HEMK1: variants seen among roughly 807,000 people sequenced by gnomAD.
HEMK1 encodes MTRF1L release factor glutamine methyltransferase.
In HEMK1, 36 loss-of-function variants were observed where a neutral mutation model predicts 47.9. That is an observed-to-expected ratio of 0.75 (90% CI 0.58 to 0.99). The LOEUF is 0.99. Ranked by LOEUF, HEMK1 falls within the 50% of genes least tolerant of loss-of-function variation. The pLI, the probability that HEMK1 is intolerant of heterozygous loss-of-function variation, is 0.00. For missense variants in HEMK1, 383 were observed against 434.5 expected (o/e 0.88, Z 1.05); for synonymous variants, 153 against 165.4 (o/e 0.93, Z 0.57).
rs952718409 is a variant in HEMK1 at position 50,570,789 on chromosome 3, A to G, written c.-174-142A>G. Reference sequence around the variant, plus strand: ...AGAAAACGTAAGTGGCCAAGACAAGAATGATCAAATAGGTGGGTAAGGCTC... The same window carrying G: ...AGAAAACGTAAGTGGCCAAGACAAGGATGATCAAATAGGTGGGTAAGGCTC... On this transcript the variant is annotated intron_variant, in intron 1 of 10. Transcript: ENST00000232854. The G allele has an allele frequency of 1.5e-5, 4 of 260,116 alleles. No individual in the cohort carries two copies. In the East Asian group the frequency reaches 3.0e-4, roughly 20 times the overall value. The allele number at this position is 260,116 out of a possible 1,614,324, so 16.1% of individuals were successfully genotyped here.
rs1326583677 is a variant in HEMK1, at chr3:50,595,831, T to G, written c.*15414T>G. ...CATCGATGTATTTCTGGGGTGACTC[T>G]CTTTCCTCCAGACCTCTCCTGCAAA... On this transcript the variant is annotated 3_prime_UTR_variant, in exon 11 of 11. Transcript: ENST00000232854. The G allele has an allele frequency of 6.6e-6, 1 of 152,208 alleles. No homozygotes were observed. The highest frequency in any genetic ancestry group is 1.5e-5 in the Non-Finnish European group (1 of 68,044). The allele number at this position is 152,208 out of a possible 1,614,324, so 9.4% of individuals were successfully genotyped here. A position where few individuals can be genotyped will look rare whatever the true frequency, so the allele number is the denominator to read the frequency against.
intron 5 of HEMK1, 50 bp downstream of exon 5, chr3:50,577,236 C>T: frequency 6.4e-7 from 1 of 1,567,768 alleles, no homozygotes; most frequent in East Asian, 2.2e-5. Context: ...ACTCACTGTC[C>T]CTCCCATTAG....
In HEMK1 at chr3:50,584,732, A is replaced by G. The variant is rs2031199515; in HGVS notation, c.*4315A>G. 2 of 151,880 alleles carry G rather than the reference A, an allele frequency of 1.3e-5. No individual in the cohort carries two copies. Among genetic ancestry groups the G allele is most frequent in the Admixed American group, 1.3e-4 (2 of 15,128 alleles). 9.4% of individuals were successfully genotyped at this position (151,880 alleles called of 1,614,324 possible). A position where few individuals can be genotyped will look rare whatever the true frequency, so the allele number is the denominator to read the frequency against. On this transcript the variant is annotated 3_prime_UTR_variant, in exon 11 of 11. Transcript: ENST00000232854. ...TGACCTCCAGAACAGTAAGATCATAAATTTGTGTTGTTTTCACATGTGTGA... is the reference window on the plus strand; with the variant it reads ...TGACCTCCAGAACAGTAAGATCATAGATTTGTGTTGTTTTCACATGTGTGA...
chr3:50,580,608 T>C lies in HEMK1; in HGVS notation c.*191T>C. ...CATCAGAGTGGCTGAGGGCAGTTGC[T>C]CTGTGTTGGTGAAATTGCTGTGGGG... On this transcript the variant is annotated 3_prime_UTR_variant, in exon 11 of 11. Coordinates refer to ENST00000232854, the MANE Select transcript of HEMK1 (RefSeq NM_016173.5). 1 of 622,336 alleles carries C rather than the reference T, an allele frequency of 1.6e-6. No homozygotes were observed. Among genetic ancestry groups the C allele is most frequent in the Non-Finnish European group, 2.8e-6 (1 of 354,800 alleles). 38.6% of individuals were successfully genotyped at this position (622,336 alleles called of 1,614,324 possible).
chr3:50,577,247 T>G, intron 5 of HEMK1, 61 bp downstream of exon 5: 1 of 1,548,390 alleles, frequency 6.5e-7, no homozygotes, highest in East Asian at 2.3e-5. Flanking sequence ...CTCCCATTAG[T>G]GCTTCCCCCA....
rs2107528670 is a variant in HEMK1, at chr3:50,586,424, AGGG to A, written c.*6010_*6012del. On this transcript the variant is annotated 3_prime_UTR_variant, in exon 11 of 11. Transcript: ENST00000232854. ...CTCCACCTGCCCCAGCTATGCCTAA[AGGG>A]GGAGGGTGAGACAGCTTAGAGTAGC... The A allele has an allele frequency of 6.6e-6, 1 of 152,378 alleles. No individual in the cohort carries two copies. Among genetic ancestry groups the A allele is most frequent in the Admixed American group, 6.5e-5 (1 of 15,304 alleles). 9.4% of individuals were successfully genotyped at this position (152,378 alleles called of 1,614,324 possible).
At position 50,577,542 on chromosome 3, in the gene HEMK1, G is replaced by A. The variant is rs1241073365; in HGVS notation, c.583G>A (p.Ala195Thr). The change falls in exon 6 of 11, where the codon GCT becomes ACT. Residue 195 changes from alanine (A) to threonine (T), a missense_variant. Coordinates refer to ENST00000232854, the MANE Select transcript of HEMK1 (RefSeq NM_016173.5). Reference sequence around the variant, plus strand: ...CATTGCTGTGGATAAGCGGGAAGCTGCTATCTCTCTGACCCATGAGAATGC... The same window carrying A: ...CATTGCTGTGGATAAGCGGGAAGCTACTATCTCTCTGACCCATGAGAATGC... The part of the protein sequence containing the change: ...RVIAVDKREA[A>T]ISLTHENAQR... The A allele has an allele frequency of 6.2e-7, 1 of 1,614,072 alleles. No individual in the cohort carries two copies. Among genetic ancestry groups the A allele is most frequent in the Non-Finnish European group, 8.5e-7 (1 of 1,180,028 alleles).
chr3:50,576,852 T>C (rs1455820433), intron 4 of HEMK1, among the ~76,000 whole-genome samples, 200 bp from the exon 5 acceptor site: 1 of 152,186 alleles, frequency 6.6e-6, no homozygotes, highest in Admixed American at 6.5e-5. Flanking sequence ...TATCCTCAAC[T>C]GGGCTCAGAT....
At chr3:50,578,009 CGT>C in intron 7 of HEMK1, 134 bp downstream of exon 7, 7 of 814,456 alleles carry the variant, frequency 8.6e-6, no homozygotes, top group Non-Finnish European at 1.1e-5. Context: ...CACACATACA[CGT>C]GTGTGTGTGC....
Position 50,577,191 on chromosome 3 carries a change from G to GCC in HEMK1, c.549+8_549+9dup. On this transcript the variant is annotated splice_donor_region_variant and intron_variant, in intron 5 of 10. Transcript: ENST00000232854. ...CTGCTGAGCCAGCTCCCCCAGGTGA[G>GCC]CCCCTCCACCCACTCTGGATAGACT... The GCC allele has an allele frequency of 6.2e-7, 1 of 1,607,792 alleles. No individual in the cohort carries two copies. Among genetic ancestry groups the GCC allele is most frequent in the South Asian group, 1.1e-5 (1 of 90,696 alleles).
rs1276037925 is a variant in HEMK1, at chr3:50,589,552, T to G, written c.*9135T>G. 6.6e-6 allele frequency: 1 copy of G among 151,914 alleles called. No homozygotes were observed. Among genetic ancestry groups the G allele is most frequent in the African/African-American group, 2.4e-5 (1 of 41,328 alleles). 9.4% of individuals were successfully genotyped at this position (151,914 alleles called of 1,614,324 possible). ...AGTTTAAGACAGCAGTGAGCTATAA[T>G]AGCGCCACTGCACTCCAGCCTGGAC... On this transcript the variant is annotated 3_prime_UTR_variant, in exon 11 of 11. Coordinates refer to ENST00000232854, the MANE Select transcript of HEMK1 (RefSeq NM_016173.5).
At position 50,590,243 on chromosome 3, in the gene HEMK1, G is replaced by A. The variant is rs1238485549; in HGVS notation, c.*9826G>A. The A allele has an allele frequency of 6.6e-6, 1 of 151,378 alleles. No individual in the cohort carries two copies. Among genetic ancestry groups the A allele is most frequent in the East Asian group, 1.9e-4 (1 of 5,168 alleles). The allele number at this position is 151,378 out of a possible 1,614,324, so 9.4% of individuals were successfully genotyped here. ...AAATGTTTTAAAAATGAAAGAAAAG[G>A]AAGAAGGGAGGAGGAAGCCAGAAAG... On this transcript the variant is annotated 3_prime_UTR_variant, in exon 11 of 11. Coordinates refer to ENST00000232854, the MANE Select transcript of HEMK1 (RefSeq NM_016173.5).
intron 4 of HEMK1, among the ~76,000 whole-genome samples, chr3:50,575,213 G>A (rs564709406): frequency 5.9e-5 from 9 of 152,120 alleles, no homozygotes; most frequent in Admixed American, 4.6e-4. Flanking sequence ...ACCTGAGGTC[G>A]GGAGTTCGAG....
At position 50,584,164 on chromosome 3, in the gene HEMK1, C is replaced by A. The variant is rs2031134507; in HGVS notation, c.*3747C>A. 6.6e-6 allele frequency: 1 copy of A among 152,258 alleles called. No individual in the cohort carries two copies. Among genetic ancestry groups the A allele is most frequent in the South Asian group, 2.1e-4 (1 of 4,828 alleles). The allele number at this position is 152,258 out of a possible 1,614,324, so 9.4% of individuals were successfully genotyped here. A position where few individuals can be genotyped will look rare whatever the true frequency, so the allele number is the denominator to read the frequency against. ...AGCCACACCAGGAGAACAGGCTGTCCTTGGCGGCAGTAGGAGCAGGCGCCA... is the reference window on the plus strand; with the variant it reads ...AGCCACACCAGGAGAACAGGCTGTCATTGGCGGCAGTAGGAGCAGGCGCCA... On this transcript the variant is annotated 3_prime_UTR_variant, in exon 11 of 11. Transcript: ENST00000232854.
In HEMK1 at chr3:50,579,882, G is replaced by T; in HGVS notation, c.809G>T (p.Gly270Val). Residue 270 changes from glycine to valine, a missense_variant, in exon 9 of 11, where the codon GGC (glycine) becomes GTC (valine). Transcript: ENST00000232854. ...GCGGCCCTGGATGGTGGGGAGGAGG[G>T]CATGGACATCATTACCCACATTCTG... ...DPAALDGGEE[G>V]MDIITHILAL... is the part of the protein sequence containing the mutation. 6.2e-7 allele frequency: 1 copy of T among 1,614,006 alleles called. No individual in the cohort carries two copies.
chr3:50,592,358 A>T lies in HEMK1; in HGVS notation c.*11941A>T, dbSNP rs2031768370. 1 of 152,044 alleles carries T rather than the reference A, an allele frequency of 6.6e-6. No individual in the cohort carries two copies. Among genetic ancestry groups the T allele is most frequent in the South Asian group, 2.1e-4 (1 of 4,824 alleles). 9.4% of individuals were successfully genotyped at this position (152,044 alleles called of 1,614,324 possible). The stretch of plus-strand genomic sequence containing the variant: ...TAACCACAGGCTCCTCCCAGCTTTC[A>T]CTAACCAACCCCAGGATTTCCAATA... On this transcript the variant is annotated 3_prime_UTR_variant, in exon 11 of 11. Transcript: ENST00000232854.
intron 6 of HEMK1, 61 bp from the exon 7 acceptor site, chr3:50,577,764 AT>A: frequency 6.5e-7 from 1 of 1,536,482 alleles, no homozygotes; most frequent in Non-Finnish European, 9.0e-7. Context: ...ATAAGACCTC[AT>A]TCTTGTAGTG....
Position 50,580,841 on chromosome 3 carries a change from TCCTGGCC to T in HEMK1, c.*425_*431del. ...TGGAGGAAGGCACGTGAGTCCTCAC[TCCTGGCC>T]TTGGATACCATGGGTCCTGGCATAG... On this transcript the variant is annotated 3_prime_UTR_variant, in exon 11 of 11. Coordinates refer to ENST00000232854, the MANE Select transcript of HEMK1 (RefSeq NM_016173.5). The T allele has an allele frequency of 8.5e-6, 2 of 236,670 alleles. No individual in the cohort carries two copies. The highest frequency in any genetic ancestry group is 1.7e-5 in the Non-Finnish European group (2 of 119,730). 14.7% of individuals were successfully genotyped at this position (236,670 alleles called of 1,614,324 possible).
chr3:50,575,677 C>G (rs931769576), intron 4 of HEMK1, among the ~76,000 whole-genome samples: 5 of 152,116 alleles, frequency 3.3e-5, no homozygotes, highest in African/African-American at 1.2e-4. Context: ...AGGGAAGCAC[C>G]CACTTGCTGC....
Sources: allele counts gnomAD v4.1 joint callset (sites outside exome capture counted in the v4.1 genomes callset), GRCh38; gene constraint gnomAD v4.1.1; transcripts MANE v1.5; gene names NCBI Gene and HGNC (gene_info 2026-07-23, HGNC 2026-07-21).